DENND2B: variants seen among roughly 807,000 people sequenced by gnomAD.
The protein encoded by DENND2B is DENN domain-containing protein 2B.
DENND2B carries 32 observed loss-of-function variants against 116.0 expected under a neutral mutation model. That is an observed-to-expected ratio of 0.28 (90% CI 0.21 to 0.37). The LOEUF (loss-of-function observed/expected upper bound fraction) is 0.37. DENND2B is among the 10% of genes least tolerant of loss of function. The pLI, the probability that DENND2B is intolerant of heterozygous loss-of-function variation, is 1.00. For missense variants in DENND2B, 1,276 were observed against 1,477.7 expected (o/e 0.86, Z 2.24); for synonymous variants, 588 against 583.9 (o/e 1.01, Z -0.10).
At chr11:8,734,855 T>C (rs2048730287) in intron 2 of DENND2B, among the ~76,000 whole-genome samples, 1 of 150,818 alleles carries the variant, frequency 6.6e-6, no homozygotes, top group African/African-American at 2.4e-5. Context: ...AAATAGTACC[T>C]GTCGCGCATT....
intron 2 of DENND2B, among the ~76,000 whole-genome samples, chr11:8,745,109 G>C (rs1248004167): frequency 6.6e-6 from 1 of 151,978 alleles, no homozygotes; most frequent in African/African-American, 2.4e-5. Flanking sequence ...TAGAGAGGGG[G>C]TTTCACTATG....
Position 8,702,761 on chromosome 11 carries a change from G to T in DENND2B, c.2572-41C>A. The T allele has an allele frequency of 6.2e-7, 1 of 1,602,736 alleles. No individual in the cohort carries two copies. ...GGGAAAGTGGGCCGGGGCCAGCCAA[G>T]TGGGTGCTGCCCTCTGGCCCTCCAC... On this transcript the variant is annotated intron_variant, in intron 13 of 19. Transcript: ENST00000313726. This position sits in a 1 kb window ranked among gnomAD's most constrained non-coding sequence, Gnocchi z 4.6.
intron 1 of DENND2B, among the ~76,000 whole-genome samples, chr11:8,780,765 G>A (rs1049430134): frequency 6.6e-6 from 1 of 152,152 alleles, no homozygotes; most frequent in African/African-American, 2.4e-5. Flanking sequence ...AGAGGTCTAG[G>A]GGCTACGGCA....
chr11:8,727,797 C>T (rs1432127484), intron 3 of DENND2B, among the ~76,000 whole-genome samples: 1 of 151,984 alleles, frequency 6.6e-6, no homozygotes, highest in Non-Finnish European at 1.5e-5. Flanking sequence ...GTAAATAAGA[C>T]ACAAATCATG....
intron 1 of DENND2B, among the ~76,000 whole-genome samples, chr11:8,759,033 C>T (rs965334914): frequency 2.6e-5 from 4 of 152,174 alleles, no homozygotes; most frequent in African/African-American, 7.2e-5. Flanking sequence ...CTCAGTCCAG[C>T]CTTCACCAGA....
At chr11:8,797,684 C>A (rs2059954727) in intron 1 of DENND2B, among the ~76,000 whole-genome samples, 1 of 151,870 alleles carries the variant, frequency 6.6e-6, no homozygotes, top group Non-Finnish European at 1.5e-5. Context: ...TCTTGGGTTC[C>A]AGCGATCCTC....
intron 4 of DENND2B, among the ~76,000 whole-genome samples, chr11:8,816,575 G>A (rs2061576110): frequency 6.6e-6 from 1 of 151,406 alleles, no homozygotes; most frequent in African/African-American, 2.4e-5. Flanking sequence ...AAGGTGGGGG[G>A]AATCAAACAT....
chr11:8,866,234 CA>C (rs1480396603), intron 2 of DENND2B, among the ~76,000 whole-genome samples: 4 of 152,230 alleles, frequency 2.6e-5, no homozygotes, highest in African/African-American at 9.6e-5. Flanking sequence ...GCTGGGATTA[CA>C]GGCGTGAGCC....
intron 1 of DENND2B, among the ~76,000 whole-genome samples, chr11:8,804,230 G>C (rs771773815): frequency 3.3e-5 from 5 of 152,186 alleles, no homozygotes; most frequent in African/African-American, 1.2e-4. Flanking sequence ...CCTTCCTAAC[G>C]TGTAGGCCAG....
At chr11:8,759,599 T>C (rs1304619840) in intron 1 of DENND2B, among the ~76,000 whole-genome samples, 1 of 152,174 alleles carries the variant, frequency 6.6e-6, no homozygotes, top group African/African-American at 2.4e-5. Context: ...AAGGTGGGAA[T>C]GGGAACAGAG....
At chr11:8,695,424 T>C in intron 19 of DENND2B, 39 bp downstream of exon 19, 2 of 1,582,826 alleles carry the variant, frequency 1.3e-6, no homozygotes, top group Non-Finnish European at 8.7e-7. Flanking sequence ...CCCTTCCTTC[T>C]TGCTGAACAT....
intron 4 of DENND2B, among the ~76,000 whole-genome samples, chr11:8,825,125 A>G (rs2061928462): frequency 6.6e-6 from 1 of 152,094 alleles, no homozygotes; most frequent in Non-Finnish European, 1.5e-5. Context: ...GGTTGAACTA[A>G]TTTACACTCC....
chr11:8,712,402 C>G lies in DENND2B; in HGVS notation c.2172+149G>C. On this transcript the variant is annotated intron_variant, in intron 9 of 19. Coordinates refer to ENST00000313726, the MANE Select transcript of DENND2B (RefSeq NM_213618.2). The surrounding 1 kb of genome is among the most constrained non-coding windows in gnomAD (Gnocchi z 4.4). ...CACCCCCGCTGCAGCCCTGTCTTCC[C>G]TCCTGGCTGAGAGGAGGCAGGTTCA... 2 of 906,748 alleles carry G rather than the reference C, an allele frequency of 2.2e-6. No homozygotes were observed. Among genetic ancestry groups the G allele is most frequent in the Non-Finnish European group, 1.6e-6 (1 of 614,532 alleles). 56.2% of individuals were successfully genotyped at this position (906,748 alleles called of 1,614,324 possible).
chr11:8,875,983 T>G (rs898929046), upstream of DENND2B, among the ~76,000 whole-genome samples: 4 of 122,280 alleles, frequency 3.3e-5, no homozygotes, highest in African/African-American at 1.2e-4. Context: ...CTTTATTATT[T>G]TATTTAGATC....
chr11:8,718,021 CAT>C (rs1001381557), intron 4 of DENND2B, 129 bp from the exon 5 acceptor site: 383 of 1,034,590 alleles, frequency 3.7e-4, no homozygotes, highest in Admixed American at 1.9e-3. Context: ...CCCCTCAGCT[CAT>C]GAGTCATGCA....
rs781592840 is a variant in DENND2B at position 8,712,837 on chromosome 11, C to T, written c.1988-102G>A. On this transcript the variant is annotated intron_variant, in intron 8 of 19. Coordinates refer to ENST00000313726, the MANE Select transcript of DENND2B (RefSeq NM_213618.2). This position sits in a 1 kb window ranked among gnomAD's most constrained non-coding sequence, Gnocchi z 4.4. ...CATTGCTGTGGAGCACTTTTAAGTA[C>T]GTGAGCCTAGTCTGATACCATCCCC... The T allele has an allele frequency of 1.6e-5, 20 of 1,260,732 alleles. No homozygotes were observed. Among genetic ancestry groups the T allele is most frequent in the East Asian group, 2.5e-5 (1 of 40,476 alleles). 78.1% of individuals were successfully genotyped at this position (1,260,732 alleles called of 1,614,324 possible). A position where few individuals can be genotyped will look rare whatever the true frequency, so the allele number is the denominator to read the frequency against.
intron 3 of DENND2B, among the ~76,000 whole-genome samples, chr11:8,839,647 A>G (rs2134610488): frequency 6.6e-6 from 1 of 152,242 alleles, no homozygotes; most frequent in African/African-American, 2.4e-5. Flanking sequence ...GTCCTCTCAC[A>G]AGCATTACAT....
intron 1 of DENND2B, chr11:8,768,929 T>C (rs1262287310): frequency 2.0e-5 from 3 of 152,214 alleles, no homozygotes; most frequent in East Asian, 3.8e-4. Context: ...CCTATAATTA[T>C]ACACTCAGGC....
At chr11:8,746,628 C>G (rs2051305852) in intron 2 of DENND2B, among the ~76,000 whole-genome samples, 1 of 152,126 alleles carries the variant, frequency 6.6e-6, no homozygotes, top group African/African-American at 2.4e-5. Context: ...AAGAAAAACA[C>G]TGGGAGAGAA....
Sources: allele counts gnomAD v4.1 joint callset (sites outside exome capture counted in the v4.1 genomes callset), GRCh38; gene constraint gnomAD v4.1.1; non-coding constraint Gnocchi (gnomAD v3.1); transcripts MANE v1.5; gene names NCBI Gene and HGNC (gene_info 2026-07-23, HGNC 2026-07-21).